The following MCPH1 variants were observed in gnomAD, a reference collection of about 807,000 sequenced individuals.
MCPH1 encodes the protein microcephalin.
Under a neutral mutation model 84.5 loss-of-function variants are expected in MCPH1, and 104 were observed. The observed-to-expected ratio is 1.23, with a 90% CI of 1.05 to 1.45. MCPH1 has a LOEUF of 1.45. Ranked by LOEUF, MCPH1 falls within the 40% of genes most tolerant of loss-of-function variation. MCPH1 has a pLI of 0.00. For synonymous variants in MCPH1, 514 were observed against 366.8 expected, an observed-to-expected ratio of 1.40 and a Z score of -4.58; for missense variants, 1,498 against 1,005.7, an observed-to-expected ratio of 1.49 and a Z score of -6.62.
At chr8:6,551,364 C>T (rs770335386) in intron 12 of MCPH1, among the ~76,000 whole-genome samples, 14 of 151,360 alleles carry the variant, frequency 9.2e-5, no homozygotes, top group Admixed American at 3.9e-4. Flanking sequence ...CTTCATGGCA[C>T]GGGACAGGCC....
rs537532863 is a variant in MCPH1 at position 6,560,728 on chromosome 8, G to A, written c.2215-60726G>A. ...ACCTGGAAAGGAAGAAATTTTGGTCGCCTAACATAGAACTCGTTGTCTTTT... is the reference window on the plus strand; with the variant it reads ...ACCTGGAAAGGAAGAAATTTTGGTCACCTAACATAGAACTCGTTGTCTTTT... On this transcript the variant is annotated intron_variant, in intron 12 of 13. Transcript: ENST00000344683. Among the ~76,000 whole-genome samples the A allele has an allele frequency of 3.3e-5, 5 of 152,312 alleles. No individual in the cohort carries two copies. The South Asian group carries it at 8.3e-4, about 25-fold the overall frequency.
At chr8:6,436,486 A>G (rs957851856) in intron 5 of MCPH1, among the ~76,000 whole-genome samples, 4 of 152,038 alleles carry the variant, frequency 2.6e-5, no homozygotes, top group African/African-American at 7.2e-5. Flanking sequence ...TTTCTTCTTT[A>G]TATATAACTT....
At position 6,583,441 on chromosome 8, in the gene MCPH1, C is replaced by T. The variant is rs570478631; in HGVS notation, c.2215-38013C>T. Among the ~76,000 whole-genome samples the T allele has an allele frequency of 3.9e-5, 6 of 152,296 alleles. No individual in the cohort carries two copies. In the South Asian group the frequency reaches 8.3e-4, roughly 21 times the overall value. On this transcript the variant is annotated intron_variant, in intron 12 of 13. Transcript: ENST00000344683. ...ACTGGCTGTGTAATGCAGAATAAAACCGACAAAATTCTTGCCATCTGGGAT... is the reference window on the plus strand; with the variant it reads ...ACTGGCTGTGTAATGCAGAATAAAATCGACAAAATTCTTGCCATCTGGGAT...
chr8:6,633,922 A>C (rs1369714448), intron 13 of MCPH1, among the ~76,000 whole-genome samples: 1 of 150,308 alleles, frequency 6.7e-6, no homozygotes, highest in Non-Finnish European at 1.5e-5. Flanking sequence ...CAATAGCACA[A>C]ACAGTCAACT....
chr8:6,648,215 T>G lies in MCPH1; in HGVS notation c.*5166T>G, dbSNP rs550384605. 22 of 152,380 alleles carry G rather than the reference T, an allele frequency of 1.4e-4. No homozygotes were observed. Among genetic ancestry groups the G allele is most frequent in the Admixed American group, 3.9e-4 (6 of 15,300 alleles). The allele number at this position is 152,380 out of a possible 1,614,324, so 9.4% of individuals were successfully genotyped here. ...TAGAACTCCCTGTGGAGTTGGCCGA[T>G]ACTGCCTGTGACCTGCAATGTGGTC... On this transcript the variant is annotated 3_prime_UTR_variant, in exon 14 of 14. Coordinates refer to ENST00000344683, the MANE Select transcript of MCPH1 (RefSeq NM_024596.5).
chr8:6,483,571 C>T (rs1809490923), intron 11 of MCPH1, among the ~76,000 whole-genome samples: 1 of 152,120 alleles, frequency 6.6e-6, no homozygotes, highest in Non-Finnish European at 1.5e-5. Context: ...GTCTTTTGAA[C>T]AAGTGGTGCT....
At chr8:6,490,954 A>ATAAT (rs36112660) in intron 11 of MCPH1, among the ~76,000 whole-genome samples, 143,109 of 149,254 alleles carry the variant, frequency 0.96, 68,913 homozygotes, top group Non-Finnish European at 1. Context: ...TATAATATCA[A>ATAAT]TAATGCTATT....
At chr8:6,615,826 A>G (rs1830731260) in intron 12 of MCPH1, 2 of 152,192 alleles carry the variant, frequency 1.3e-5, no homozygotes. Context: ...TAAAAGAGAC[A>G]GTGGGCACCG....
intron 12 of MCPH1, chr8:6,527,587 G>A: frequency 6.2e-7 from 1 of 1,613,936 alleles, no homozygotes; most frequent in Non-Finnish European, 8.5e-7. Context: ...TTATTTCACT[G>A]GTCTGGTCCA....
chr8:6,504,503 A>T lies in MCPH1; in HGVS notation c.2214+4574A>T, dbSNP rs115658855. ...AGTAGCTGTCTTGGTTATTAGATCG[A>T]TTGTCACAGTATCGCAGTGCTTATG... is the stretch of plus-strand genomic sequence containing the variant. On this transcript the variant is annotated intron_variant, in intron 12 of 13. Transcript: ENST00000344683. Among the ~76,000 whole-genome samples the T allele has an allele frequency of 3.0e-3, 452 of 152,074 alleles. 2 individuals are homozygous for T. The highest frequency in any genetic ancestry group is 0.011 in the African/African-American group (440 of 41,484).
chr8:6,414,661 G>A, intron 2 of MCPH1, 104 bp from the exon 3 acceptor site: 1 of 1,281,406 alleles, frequency 7.8e-7, no homozygotes, highest in South Asian at 1.3e-5. Flanking sequence ...TTCTCTGTCA[G>A]ATGTTGAGAA....
At chr8:6,499,720 T>C (rs1811781293) in intron 11 of MCPH1, 132 bp from the exon 12 acceptor site, 1 of 748,050 alleles carries the variant, frequency 1.3e-6, no homozygotes, top group Admixed American at 2.0e-5. Context: ...AGGGACTTTG[T>C]TGTCTGAGAA....
intron 12 of MCPH1, chr8:6,615,601 T>C (rs1433968813): frequency 1.3e-5 from 2 of 152,204 alleles, no homozygotes; most frequent in Non-Finnish European, 2.9e-5. Flanking sequence ...AGTAGACCAA[T>C]GTAAGCGTTA....
At chr8:6,508,523 TA>T in intron 12 of MCPH1, 1 of 247,958 alleles carries the variant, frequency 4.0e-6, no homozygotes, top group Non-Finnish European at 7.5e-6. Context: ...CTTTGAACAT[TA>T]AATTATTAGT....
Position 6,521,061 on chromosome 8 carries a change from C to T in MCPH1, c.2214+21132C>T, listed in dbSNP as rs1002706036. 11 of 694,718 alleles carry T rather than the reference C, an allele frequency of 1.6e-5. No homozygotes were observed. In the African/African-American group the frequency reaches 2.0e-4, roughly 13 times the overall value. The allele number at this position is 694,718 out of a possible 1,614,324, so 43.0% of individuals were successfully genotyped here. ...CCTTCATTTTAATTGGTAGATATTT[C>T]ATATGAAATATATGAGAAATAGCGC... On this transcript the variant is annotated intron_variant, in intron 12 of 13. Coordinates refer to ENST00000344683, the MANE Select transcript of MCPH1 (RefSeq NM_024596.5).
intron 12 of MCPH1, among the ~76,000 whole-genome samples, chr8:6,548,343 A>T (rs1407194115): frequency 6.6e-6 from 1 of 152,178 alleles, no homozygotes; most frequent in Non-Finnish European, 1.5e-5. Context: ...TGCCACTTAG[A>T]TGCCTTTCAT....
intron 12 of MCPH1, among the ~76,000 whole-genome samples, chr8:6,549,846 T>C (rs1018158544): frequency 6.6e-6 from 1 of 152,192 alleles, no homozygotes; most frequent in Admixed American, 6.5e-5. Context: ...CACTCAAGAT[T>C]TGTGAATTTT....
chr8:6,539,675 C>T (rs1380582623), intron 12 of MCPH1, among the ~76,000 whole-genome samples: 1 of 152,164 alleles, frequency 6.6e-6, no homozygotes, highest in Non-Finnish European at 1.5e-5. Context: ...CAACCTCTGC[C>T]TCCCTGGTTC....
chr8:6,543,484 C>A (rs1277946510), intron 12 of MCPH1, among the ~76,000 whole-genome samples: 1 of 152,136 alleles, frequency 6.6e-6, no homozygotes, highest in Non-Finnish European at 1.5e-5. Context: ...CACTGACGGG[C>A]AATGTGCGTG....
Sources: allele counts gnomAD v4.1 joint callset (sites outside exome capture counted in the v4.1 genomes callset), GRCh38; gene constraint gnomAD v4.1.1; transcripts MANE v1.5; gene names NCBI Gene and HGNC (gene_info 2026-07-23, HGNC 2026-07-21).